Variants in GRIN2B observed in about 807,000 individuals in gnomAD.
GRIN2B encodes glutamate ionotropic receptor NMDA type subunit 2B.
A neutral mutation model predicts 114.5 loss-of-function variants in GRIN2B; 5 were observed. The ratio of observed to expected loss-of-function variants is 0.04; its 90% CI spans 0.02 to 0.09. GRIN2B has a LOEUF of 0.09. Ranked by LOEUF, GRIN2B falls within the 10% of genes least tolerant of loss-of-function variation. The pLI is 1.00. For synonymous variants in GRIN2B, 787 were observed against 745.1 expected (o/e 1.06, Z -0.92); for missense variants, 1,108 against 1,943.5 (o/e 0.57, Z 8.08).
intron 10 of GRIN2B, among the ~76,000 whole-genome samples, chr12:13,582,366 G>A (rs1198878334): frequency 1.3e-5 from 2 of 152,188 alleles, no homozygotes; most frequent in Admixed American, 6.5e-5. Context: ...AGAAGCTACC[G>A]GTATATAGGA....
chr12:13,712,056 T>G lies in GRIN2B; in HGVS notation c.1011-36197A>C, dbSNP rs532210267. ...TGGCATACTATGCAGCCATAAAAAATGATGAGTTCATGTCCTTTGTAGGGA... is the reference window on the plus strand; with the variant it reads ...TGGCATACTATGCAGCCATAAAAAAGGATGAGTTCATGTCCTTTGTAGGGA... On this transcript the variant is annotated intron_variant, in intron 4 of 13. Coordinates refer to ENST00000609686, the MANE Select transcript of GRIN2B (RefSeq NM_000834.5). 2.6e-5 allele frequency among the ~76,000 whole-genome samples: 4 copies of G among 152,070 alleles called. No homozygotes were observed. In the East Asian group the frequency reaches 7.8e-4, roughly 30 times the overall value.
chr12:13,563,624 T>C lies in GRIN2B; in HGVS notation c.3614A>G (p.Glu1205Gly). Reference sequence around the variant, plus strand: ...GTTGCCCCCGGACCGGTCCTCCCACTCCACGTTGGTCAGGTTCTTCTCCCA... The same window carrying C: ...GTTGCCCCCGGACCGGTCCTCCCACCCCACGTTGGTCAGGTTCTTCTCCCA... ...APWEKNLTNV[E>G]WEDRSGGNFC... The change falls in exon 14 of 14, where the codon GAG (glutamate) becomes GGG (glycine). Residue 1205 changes from glutamate (E) to glycine (G), a missense_variant. This residue lies in a region of GRIN2B where 478 missense variants were observed against 506.0 expected (regional missense o/e 0.94). Coordinates refer to ENST00000609686, the MANE Select transcript of GRIN2B (RefSeq NM_000834.5). 1 of 1,613,928 alleles carries C rather than the reference T, an allele frequency of 6.2e-7. No individual in the cohort carries two copies.
At chr12:13,649,499 C>CT (rs1490683624) in intron 5 of GRIN2B, among the ~76,000 whole-genome samples, 1 of 152,048 alleles carries the variant, frequency 6.6e-6, no homozygotes, top group Non-Finnish European at 1.5e-5. Flanking sequence ...AATTAAGCAA[C>CT]TTTTTTTACT....
At chr12:13,836,447 G>C (rs60894392) in intron 3 of GRIN2B, among the ~76,000 whole-genome samples, 5,342 of 152,294 alleles carry the variant, frequency 0.035, 114 homozygotes, top group Middle Eastern at 0.061. Flanking sequence ...GCCATGTGTG[G>C]TCCTTTGGGA....
chr12:13,602,481 A>G (rs1949173939), intron 10 of GRIN2B, among the ~76,000 whole-genome samples: 1 of 152,174 alleles, frequency 6.6e-6, no homozygotes, highest in South Asian at 2.1e-4. Flanking sequence ...CTTCCAGCCT[A>G]AAGTTAATAG....
rs148360251 is a variant in GRIN2B, at chr12:13,676,552, T to C, written c.1011-693A>G. Among the ~76,000 whole-genome samples the C allele has an allele frequency of 4.7e-3, 722 of 152,162 alleles. 7 individuals carry two copies. The highest frequency in any genetic ancestry group is 0.017 in the African/African-American group (695 of 41,526). On this transcript the variant is annotated intron_variant, in intron 4 of 13. Transcript: ENST00000609686. ...ACTTACCATGCGGCCTGGTGCATAG[T>C]AGAGTCTCATTAAGTGCTAACAATT...
Position 13,563,243 on chromosome 12 carries a change from T to G in GRIN2B, c.3995A>C (p.Asp1332Ala), listed in dbSNP as rs1331896003. ...VSLKDKGRFMDGSPYAHMFEM... is the reference protein window; with the variant it reads ...VSLKDKGRFMAGSPYAHMFEM... ...AAACATGTGGGCGTAGGGGCTCCCA[T>G]CCATGAATCGGCCCTTGTCTTTCAG... Residue 1332 changes from aspartate to alanine, a missense_variant, in exon 14 of 14, where the codon GAT becomes GCT. By Grantham distance (126) the Asp-to-Ala change is moderately radical. Transcript: ENST00000609686. 1 of 1,614,190 alleles carries G rather than the reference T, an allele frequency of 6.2e-7. No homozygotes were observed. The highest frequency in any genetic ancestry group is 1.3e-5 in the African/African-American group (1 of 75,044).
At chr12:13,807,249 G>A (rs1321309711) in intron 3 of GRIN2B, among the ~76,000 whole-genome samples, 7 of 152,144 alleles carry the variant, frequency 4.6e-5, no homozygotes, top group African/African-American at 1.7e-4. Context: ...TGCCACGGCT[G>A]TATGAGTCTA....
chr12:13,874,706 A>C (rs1865968989), intron 2 of GRIN2B, among the ~76,000 whole-genome samples: 1 of 152,224 alleles, frequency 6.6e-6, no homozygotes, highest in Non-Finnish European at 1.5e-5. Context: ...TTCAAGTGTT[A>C]ATAAAAATTA....
intron 3 of GRIN2B, among the ~76,000 whole-genome samples, chr12:13,825,496 T>TTTTTTGTGTGTG (rs375940899): frequency 2.1e-4 from 26 of 122,970 alleles, no homozygotes; most frequent in African/African-American, 7.8e-4. Context: ...TATATATATT[T>TTTTTTGTGTGTG]TGTGTGTGTG....
intron 2 of GRIN2B, among the ~76,000 whole-genome samples, chr12:13,975,477 G>T (rs537363659): frequency 2.2e-4 from 33 of 152,332 alleles, no homozygotes; most frequent in African/African-American, 7.9e-4. Context: ...ATCACTTAAT[G>T]TCCCTGGATC....
rs542283202 is a variant in GRIN2B, at chr12:13,718,437, G to A, written c.1010+34880C>T. The stretch of plus-strand genomic sequence containing the variant: ...GGAGGAAGTACCAAGGAAAAAAAGA[G>A]CCAAGACCCGGACTGGACCGAGGCA... On this transcript the variant is annotated intron_variant, in intron 4 of 13. Coordinates refer to ENST00000609686, the MANE Select transcript of GRIN2B (RefSeq NM_000834.5). 6.2e-4 allele frequency among the ~76,000 whole-genome samples: 95 copies of A among 152,092 alleles called. 2 individuals carry two copies. In the South Asian group the frequency reaches 0.017, roughly 28 times the overall value.
intron 3 of GRIN2B, among the ~76,000 whole-genome samples, chr12:13,858,018 C>G (rs1269046245): frequency 2.0e-5 from 3 of 152,138 alleles, no homozygotes; most frequent in African/African-American, 7.2e-5. Context: ...TCTCTAGACT[C>G]TTTGTTCTGA....
chr12:13,655,776 A>G (rs1435841988), intron 5 of GRIN2B, among the ~76,000 whole-genome samples: 1 of 152,210 alleles, frequency 6.6e-6, no homozygotes, highest in Non-Finnish European at 1.5e-5. Context: ...CCTGACCTAT[A>G]AATACTGACA....
intron 5 of GRIN2B, among the ~76,000 whole-genome samples, chr12:13,627,007 G>A (rs1217370447): frequency 9.9e-5 from 15 of 151,864 alleles, no homozygotes; most frequent in Non-Finnish European, 2.2e-4. Flanking sequence ...GAATCCTCGG[G>A]ATTTTTGGTA....
At chr12:13,885,348 T>A (rs1204435345) in intron 2 of GRIN2B, among the ~76,000 whole-genome samples, 1 of 152,172 alleles carries the variant, frequency 6.6e-6, no homozygotes, top group African/African-American at 2.4e-5. Flanking sequence ...AAGTGTCAAC[T>A]AAATGAAGAC....
intron 2 of GRIN2B, among the ~76,000 whole-genome samples, chr12:13,870,714 C>A (rs1446496421): frequency 6.6e-6 from 1 of 152,150 alleles, no homozygotes; most frequent in Non-Finnish European, 1.5e-5. Flanking sequence ...GAGACTATGA[C>A]TGGAATATGA....
chr12:13,628,708 A>G (rs1949593257), intron 5 of GRIN2B, among the ~76,000 whole-genome samples: 1 of 152,210 alleles, frequency 6.6e-6, no homozygotes, highest in South Asian at 2.1e-4. Flanking sequence ...GGGTGCCCAT[A>G]CAGAAGTATC....
intron 3 of GRIN2B, among the ~76,000 whole-genome samples, chr12:13,822,759 G>A (rs754161960): frequency 8.1e-5 from 12 of 148,490 alleles, no homozygotes; most frequent in Admixed American, 3.4e-4. Flanking sequence ...GCATACATCC[G>A]CCAATCTTTT....
Sources: allele counts gnomAD v4.1 joint callset (sites outside exome capture counted in the v4.1 genomes callset), GRCh38; gene constraint gnomAD v4.1.1; regional missense constraint gnomAD v4.1.1; transcripts MANE v1.5; gene names NCBI Gene and HGNC (gene_info 2026-07-23, HGNC 2026-07-21).